Variants in CRACD observed in about 807,000 individuals in gnomAD.
CRACD encodes capping protein inhibiting regulator of actin dynamics.
A neutral mutation model predicts 106.8 loss-of-function variants in CRACD; 56 were observed. The ratio of observed to expected loss-of-function variants is 0.52; its 90% CI spans 0.42 to 0.66. CRACD has a LOEUF of 0.66. Ranked by LOEUF, CRACD falls within the 30% of genes least tolerant of loss-of-function variation. CRACD has a pLI of 0.00. For synonymous variants in CRACD, 754 were observed against 670.8 expected, an observed-to-expected ratio of 1.12 and a Z score of -1.92; for missense variants, 1,730 against 1,623.2, an observed-to-expected ratio of 1.07 and a Z score of -1.13.
At chr4:56,050,766 T>C (rs1731848507) in intron 1 of CRACD, among the ~76,000 whole-genome samples, 1 of 148,150 alleles carries the variant, frequency 6.7e-6, no homozygotes, top group South Asian at 2.1e-4. Context: ...AGGGAAAAAA[T>C]CATGTTACTG....
intron 1 of CRACD, among the ~76,000 whole-genome samples, chr4:56,138,043 A>C (rs555360028): frequency 6.6e-6 from 1 of 150,968 alleles, no homozygotes; most frequent in Non-Finnish European, 1.5e-5. Context: ...AGGTTTAGAC[A>C]TGCTAGTGTA....
chr4:56,179,916 C>G (rs1053204679), intron 2 of CRACD, among the ~76,000 whole-genome samples: 2 of 151,944 alleles, frequency 1.3e-5, no homozygotes, highest in African/African-American at 4.8e-5. Flanking sequence ...ACTCAGGAGG[C>G]TGAGGCAGGA....
intron 2 of CRACD, among the ~76,000 whole-genome samples, chr4:56,253,565 A>G (rs1390129505): frequency 6.6e-6 from 1 of 152,238 alleles, no homozygotes; most frequent in East Asian, 1.9e-4. Context: ...GCTAAGAAAT[A>G]GTACACAAAA....
chr4:56,317,599 C>G (rs1301082745), intron 8 of CRACD, among the ~76,000 whole-genome samples: 2 of 152,182 alleles, frequency 1.3e-5, no homozygotes, highest in African/African-American at 4.8e-5. Flanking sequence ...CCAGTGTCTT[C>G]ACTGTATCTC....
intron 2 of CRACD, among the ~76,000 whole-genome samples, chr4:56,245,542 G>C (rs1740634365): frequency 2.0e-5 from 3 of 152,206 alleles, no homozygotes; most frequent in Admixed American, 6.5e-5. Context: ...AATGGTAAAA[G>C]TGATTTTCCA....
chr4:56,273,277 TTGCC>T (rs1001990480), intron 3 of CRACD, among the ~76,000 whole-genome samples: 8 of 152,046 alleles, frequency 5.3e-5, no homozygotes, highest in Non-Finnish European at 7.4e-5. Context: ...GATGGAGCTT[TTGCC>T]TGCCTGCCTG....
intron 2 of CRACD, among the ~76,000 whole-genome samples, chr4:56,244,532 C>A (rs1020288942): frequency 6.6e-6 from 1 of 152,148 alleles, no homozygotes; most frequent in Non-Finnish European, 1.5e-5. Context: ...TACTTTATTG[C>A]TAAAATTCAG....
chr4:56,068,835 C>T lies in CRACD; in HGVS notation c.-336+19536C>T, dbSNP rs1483123268. On this transcript the variant is annotated intron_variant, in intron 1 of 10. Coordinates refer to ENST00000682029, the MANE Select transcript of CRACD (RefSeq NM_001393381.1). ...CTGTGGTGGGCTGAAGAGTGACCCT[C>T]GCCCCCTCCCCGAGACTCATGTCCA... 2.0e-5 allele frequency among the ~76,000 whole-genome samples: 3 copies of T among 152,160 alleles called. No individual in the cohort carries two copies. In the East Asian group the frequency reaches 5.8e-4, roughly 29 times the overall value.
At chr4:56,118,444 C>G (rs1289385524) in intron 1 of CRACD, among the ~76,000 whole-genome samples, 1 of 152,218 alleles carries the variant, frequency 6.6e-6, no homozygotes, top group Admixed American at 6.5e-5. Flanking sequence ...ATACTGCGAA[C>G]TACATACAAG....
At chr4:56,271,103 C>G (rs1489411283) in intron 2 of CRACD, among the ~76,000 whole-genome samples, 1 of 138,168 alleles carries the variant, frequency 7.2e-6, no homozygotes, top group East Asian at 2.1e-4. Flanking sequence ...GAAACTCCAT[C>G]TCAAAAAAAA....
intron 1 of CRACD, among the ~76,000 whole-genome samples, chr4:56,163,463 A>G (rs986714702): frequency 5.9e-5 from 9 of 152,226 alleles, no homozygotes; most frequent in Non-Finnish European, 1.3e-4. Flanking sequence ...AAATGAGTAA[A>G]TAAACCAATC....
chr4:56,187,751 A>G (rs371271134), intron 2 of CRACD, among the ~76,000 whole-genome samples: 1 of 152,066 alleles, frequency 6.6e-6, no homozygotes, highest in Non-Finnish European at 1.5e-5. Context: ...CATCATTTCA[A>G]CAGACGCACA....
intron 1 of CRACD, among the ~76,000 whole-genome samples, chr4:56,051,031 G>A (rs552626652): frequency 9.2e-5 from 14 of 152,218 alleles, no homozygotes; most frequent in African/African-American, 2.9e-4. Flanking sequence ...TATTATTATC[G>A]CTAGATGAGG....
chr4:56,068,807 G>A (rs181265091), intron 1 of CRACD, among the ~76,000 whole-genome samples: 1 of 152,256 alleles, frequency 6.6e-6, no homozygotes, highest in Admixed American at 6.5e-5. Context: ...GACAGTTTAA[G>A]TGCTGTGGTG....
rs1471445311 is a variant in CRACD, at chr4:56,314,714, G to A, written c.1212G>A (p.Glu404=). Reference sequence around the variant, plus strand: ...CGGAGGAGGAGGATCTGGGGGAAGAGGAGGAGGAGGGCCAGGCGCACCTGG... The same window carrying A: ...CGGAGGAGGAGGATCTGGGGGAAGAAGAGGAGGAGGGCCAGGCGCACCTGG... ...RGAEEEDLGE[E]EEEGQAHLED... is the part of the protein sequence containing the mutation. Residue 404 remains glutamate (E), a synonymous_variant, in exon 8 of 11, where the codon GAG becomes GAA. Transcript: ENST00000682029. This position sits in a 1 kb window ranked among gnomAD's most constrained non-coding sequence, Gnocchi z 4.4. 3.8e-6 allele frequency: 6 copies of A among 1,563,600 alleles called. No homozygotes were observed. Among genetic ancestry groups the A allele is most frequent in the East Asian group, 2.3e-5 (1 of 42,906 alleles).
At chr4:56,084,368 A>G (rs994911538) in intron 1 of CRACD, among the ~76,000 whole-genome samples, 1 of 152,156 alleles carries the variant, frequency 6.6e-6, no homozygotes. Flanking sequence ...TGTGGAAGGA[A>G]CACTCAATAA....
chr4:56,241,041 C>A (rs1223112847), intron 2 of CRACD, among the ~76,000 whole-genome samples: 2 of 152,214 alleles, frequency 1.3e-5, no homozygotes. Flanking sequence ...GCGTTATCAG[C>A]TGTCCAGCCT....
At chr4:56,091,337 A>G (rs1733417653) in intron 1 of CRACD, among the ~76,000 whole-genome samples, 1 of 151,226 alleles carries the variant, frequency 6.6e-6, no homozygotes, top group Non-Finnish European at 1.5e-5. Flanking sequence ...TTTTAGACCT[A>G]AGCCATTGTG....
intron 1 of CRACD, among the ~76,000 whole-genome samples, chr4:56,088,850 T>C (rs918658543): frequency 6.6e-6 from 1 of 152,188 alleles, no homozygotes; most frequent in African/African-American, 2.4e-5. Context: ...CTCAGCCTCC[T>C]GAGTACCTGG....
Sources: gnomAD v4.1 joint callset for allele counts (sites outside exome capture counted in the v4.1 genomes callset) on GRCh38, gnomAD v4.1.1 for gene constraint, Gnocchi (gnomAD v3.1) non-coding constraint, MANE v1.5 for transcripts, NCBI Gene and HGNC (gene_info 2026-07-23, HGNC 2026-07-21) for gene names.